Variants in ITPR1 observed in about 807,000 individuals in gnomAD.
ITPR1 encodes the protein inositol 1,4,5-trisphosphate receptor type 1, also known as inositol 1,4,5-trisphosphate-gated calcium channel ITPR1.
A neutral mutation model predicts 318.4 loss-of-function variants in ITPR1; 96 were observed. The observed-to-expected ratio is 0.30, with a 90% CI of 0.26 to 0.36. The LOEUF (loss-of-function observed/expected upper bound fraction) is 0.36, where lower values mean the gene tolerates loss of function less well. Among genes scored for constraint, ITPR1 ranks in the 10% least tolerant of loss-of-function variants. The pLI is 1.00. For missense variants in ITPR1, 2,440 were observed against 3,460.2 expected (o/e 0.71, Z 7.40); for synonymous variants, 1,312 against 1,289.9 (o/e 1.02, Z -0.37).
At chr3:4,537,612 T>C (rs1284083561) in intron 4 of ITPR1, among the ~76,000 whole-genome samples, 1 of 152,190 alleles carries the variant, frequency 6.6e-6, no homozygotes, top group Non-Finnish European at 1.5e-5. Context: ...AGGGTCCTTG[T>C]AGGCTAGAAG....
intron 51 of ITPR1, 46 bp downstream of exon 51, chr3:4,783,966 T>A: frequency 7.8e-7 from 1 of 1,287,420 alleles, no homozygotes; most frequent in Non-Finnish European, 1.1e-6. Context: ...TTGAGGCCAT[T>A]AGTGTGCAAT....
At chr3:4,564,634 A>C (rs2125023344) in intron 4 of ITPR1, among the ~76,000 whole-genome samples, 1 of 152,292 alleles carries the variant, frequency 6.6e-6, no homozygotes, top group Non-Finnish European at 1.5e-5. Flanking sequence ...CCACCATGGG[A>C]GGACACAGCA....
At chr3:4,813,795 CTA>C (rs1454862781) in intron 57 of ITPR1, among the ~76,000 whole-genome samples, 4 of 152,266 alleles carry the variant, frequency 2.6e-5, no homozygotes, top group African/African-American at 9.6e-5. Flanking sequence ...GAAGGATCTT[CTA>C]TGTCAGGCGT....
chr3:4,654,548 G>C (rs1361476026), intron 12 of ITPR1, among the ~76,000 whole-genome samples: 1 of 152,188 alleles, frequency 6.6e-6, no homozygotes, highest in Non-Finnish European at 1.5e-5. Context: ...ACATGGAAAG[G>C]GTGGGTATAA....
At chr3:4,670,403 G>A (rs1225803190) in intron 19 of ITPR1, among the ~76,000 whole-genome samples, 1 of 152,154 alleles carries the variant, frequency 6.6e-6, no homozygotes, top group Non-Finnish European at 1.5e-5. Context: ...CTTTGTTGTG[G>A]GGCTGTGCTA....
intron 4 of ITPR1, among the ~76,000 whole-genome samples, chr3:4,552,743 G>A (rs1437627803): frequency 2.6e-5 from 4 of 152,092 alleles, no homozygotes; most frequent in African/African-American, 9.7e-5. Flanking sequence ...TCCTCTTTCT[G>A]GGCTGAAAGC....
At chr3:4,518,601 T>C (rs1359588300) in intron 3 of ITPR1, among the ~76,000 whole-genome samples, 1 of 152,168 alleles carries the variant, frequency 6.6e-6, no homozygotes, top group Non-Finnish European at 1.5e-5. Context: ...CCAGTCGTTA[T>C]GGGACTCACT....
At chr3:4,834,579 A>G (rs1448488395) in intron 60 of ITPR1, among the ~76,000 whole-genome samples, 2 of 152,098 alleles carry the variant, frequency 1.3e-5, no homozygotes, top group African/African-American at 2.4e-5. Context: ...CCTGTCGCCT[A>G]TGTGTGCCCT....
chr3:4,644,423 G>A (rs904655382), intron 8 of ITPR1, among the ~76,000 whole-genome samples, 189 bp downstream of exon 8: 1 of 152,258 alleles, frequency 6.6e-6, no homozygotes, highest in Non-Finnish European at 1.5e-5. Context: ...GCAGTGGGTA[G>A]TAGATGTGGG....
intron 32 of ITPR1, among the ~76,000 whole-genome samples, chr3:4,692,681 G>C (rs1158254540): frequency 6.6e-6 from 1 of 152,184 alleles, no homozygotes; most frequent in African/African-American, 2.4e-5. Context: ...CCTCATCTTA[G>C]GGGACAAGTT....
At chr3:4,662,741 A>G (rs568725018) in intron 15 of ITPR1, among the ~76,000 whole-genome samples, 1 of 152,120 alleles carries the variant, frequency 6.6e-6, no homozygotes, top group East Asian at 1.9e-4. Flanking sequence ...AATAATAATC[A>G]AGTGATGAAG....
At chr3:4,724,065 C>G (rs2042343189) in intron 40 of ITPR1, among the ~76,000 whole-genome samples, 2 of 152,154 alleles carry the variant, frequency 1.3e-5, no homozygotes, top group South Asian at 4.1e-4. Flanking sequence ...CTTTTACTTT[C>G]CTTCCCCACT....
At chr3:4,816,786 C>T (rs79335065) in intron 59 of ITPR1, among the ~76,000 whole-genome samples, 13 of 152,310 alleles carry the variant, frequency 8.5e-5, no homozygotes, top group African/African-American at 2.4e-4. Context: ...CTGTAAATAT[C>T]GTGCTATTCC....
At chr3:4,716,503 A>T (rs2041774867) in intron 39 of ITPR1, among the ~76,000 whole-genome samples, 1 of 152,200 alleles carries the variant, frequency 6.6e-6, no homozygotes, top group South Asian at 2.1e-4. Flanking sequence ...TAGCTGTTTT[A>T]GTACTAGAAA....
At chr3:4,655,725 C>T (rs189311395) in intron 12 of ITPR1, among the ~76,000 whole-genome samples, 12 of 152,246 alleles carry the variant, frequency 7.9e-5, no homozygotes, top group African/African-American at 2.2e-4. Context: ...TGCTTTTTGG[C>T]GTCAGAGAGG....
chr3:4,732,486 GT>G (rs59298980), intron 42 of ITPR1, among the ~76,000 whole-genome samples: 135,792 of 151,732 alleles, frequency 0.89, 62,479 homozygotes, highest in East Asian at 1. Context: ...CCTATGTTGG[GT>G]TTTTTTTTAT....
intron 4 of ITPR1, among the ~76,000 whole-genome samples, chr3:4,540,614 G>C (rs752458610): frequency 9.9e-5 from 15 of 152,080 alleles, no homozygotes; most frequent in Non-Finnish European, 2.1e-4. Flanking sequence ...TTGAGACAGG[G>C]TCTCACTCTG....
intron 54 of ITPR1, 99 bp downstream of exon 54, chr3:4,800,699 G>A: frequency 1.6e-6 from 2 of 1,244,724 alleles, no homozygotes; most frequent in East Asian, 2.3e-5. Flanking sequence ...TTTCAGTCCA[G>A]AAAATTATTG....
chr3:4,668,005 G>A (rs138326658), intron 18 of ITPR1, among the ~76,000 whole-genome samples: 4 of 152,178 alleles, frequency 2.6e-5, no homozygotes, highest in East Asian at 3.9e-4. Context: ...CATGCAATGT[G>A]TAATAATCAC....
Sources: gnomAD v4.1 joint callset for allele counts (sites outside exome capture counted in the v4.1 genomes callset) on GRCh38, gnomAD v4.1.1 for gene constraint, MANE v1.5 for transcripts, NCBI Gene and HGNC (gene_info 2026-07-23, HGNC 2026-07-21) for gene names.